Variants in SEC14L5 observed in about 807,000 individuals in gnomAD.
SEC14L5 encodes SEC14-like protein 5.
A neutral mutation model predicts 84.6 loss-of-function variants in SEC14L5; 96 were observed. The ratio of observed to expected loss-of-function variants is 1.13; its 90% CI spans 0.96 to 1.34. SEC14L5 has a LOEUF of 1.34. Ranked by LOEUF, SEC14L5 falls within the 40% of genes most tolerant of loss-of-function variation. The probability of loss-of-function intolerance (pLI) is 0.00; values close to 1 mark genes in which losing one functional copy is unlikely to be tolerated. For synonymous variants in SEC14L5, 546 were observed against 383.4 expected (o/e 1.42, Z -4.95); for missense variants, 1,224 against 942.5 (o/e 1.30, Z -3.91).
intron 7 of SEC14L5, 107 bp downstream of exon 7, chr16:4,996,567 C>A (rs980777444): frequency 6.3e-6 from 4 of 633,802 alleles, no homozygotes; most frequent in African/African-American, 5.5e-5. Flanking sequence ...CACATTATCT[C>A]TTGCTTATTT....
chr16:4,968,545 C>T (rs62036176), intron 2 of SEC14L5, among the ~76,000 whole-genome samples: 2 of 152,072 alleles, frequency 1.3e-5, no homozygotes, highest in African/African-American at 4.8e-5. Flanking sequence ...CATGCTAGTC[C>T]GAAATTCCTG....
At chr16:5,008,670 C>T in intron 14 of SEC14L5, 22 bp downstream of exon 14, 1 of 1,589,486 alleles carries the variant, frequency 6.3e-7, no homozygotes. Flanking sequence ...CTGGACCACT[C>T]ATTCGCTCAC....
chr16:4,982,356 G>A (rs963998789), intron 2 of SEC14L5, among the ~76,000 whole-genome samples: 2 of 152,154 alleles, frequency 1.3e-5, no homozygotes, highest in Admixed American at 1.3e-4. Context: ...AGCAGACCCC[G>A]CTGGAATAAG....
At position 4,966,267 on chromosome 16, in the gene SEC14L5, CTTTTTTTTTTT is replaced by C. The variant is rs1019686741; in HGVS notation, c.63+6895_63+6905del. Among the ~76,000 whole-genome samples the C allele has an allele frequency of 1.0e-4, 8 of 78,770 alleles. No individual in the cohort carries two copies. The South Asian group carries it at 2.0e-3, about 20-fold the overall frequency. 51.7% of individuals were successfully genotyped at this position (78,770 alleles called of 152,430 possible). A position where few individuals can be genotyped will look rare whatever the true frequency, so the allele number is the denominator to read the frequency against. Reference sequence around the variant, plus strand: ...AGGCGTGACCCACCGCGCCCGGCCTCTTTTTTTTTTTTTTTTTTTTTTTTGAGATGGAGTCT... The same window carrying C: ...AGGCGTGACCCACCGCGCCCGGCCTCTTTTTTTTTTTTTGAGATGGAGTCT... On this transcript the variant is annotated intron_variant, in intron 2 of 15. Transcript: ENST00000251170.
chr16:5,000,214 C>T (rs200684095), intron 8 of SEC14L5, among the ~76,000 whole-genome samples: 2 of 152,030 alleles, frequency 1.3e-5, no homozygotes, highest in East Asian at 3.9e-4. Flanking sequence ...TTGCTTGAAC[C>T]TGGGAGGCCG....
At chr16:4,962,701 A>AAC (rs1955140773) in intron 2 of SEC14L5, among the ~76,000 whole-genome samples, 1 of 151,566 alleles carries the variant, frequency 6.6e-6, no homozygotes, top group African/African-American at 2.4e-5. Context: ...AAAAAAAAAA[A>AAC]AAAAAAACTT....
At chr16:4,982,033 C>T (rs569258586) in intron 2 of SEC14L5, among the ~76,000 whole-genome samples, 14 of 152,286 alleles carry the variant, frequency 9.2e-5, no homozygotes, top group Admixed American at 9.1e-4. Context: ...GGTGCATTCT[C>T]TGGGGGAACG....
chr16:5,013,641 C>T (rs910140414), intron 15 of SEC14L5, among the ~76,000 whole-genome samples: 1 of 148,368 alleles, frequency 6.7e-6, no homozygotes, highest in Admixed American at 6.8e-5. Flanking sequence ...TCACTGCAAC[C>T]TCCGCCTCCT....
At chr16:5,000,539 G>A in intron 8 of SEC14L5, 116 bp from the exon 9 acceptor site, 1 of 736,816 alleles carries the variant, frequency 1.4e-6, no homozygotes, top group Non-Finnish European at 2.3e-6. Flanking sequence ...GCTGGATCGG[G>A]CCTTGGTGGG....
intron 13 of SEC14L5, among the ~76,000 whole-genome samples, chr16:5,008,150 A>G (rs1488918356): frequency 6.6e-6 from 1 of 151,848 alleles, no homozygotes; most frequent in Non-Finnish European, 1.5e-5. Context: ...TCCTGACCTC[A>G]AGTGATCCAC....
Position 5,017,918 on chromosome 16 carries a change from C to G in SEC14L5, c.*2948C>G, listed in dbSNP as rs922235779. On this transcript the variant is annotated 3_prime_UTR_variant, in exon 16 of 16. Transcript: ENST00000251170. ...AAGGCTGGAAGTGCCTTGGCTTGGG[C>G]TTCTTGCATCATTAGTTCATTAATC... 6.6e-6 allele frequency: 1 copy of G among 152,226 alleles called. No homozygotes were observed. The highest frequency in any genetic ancestry group is 2.4e-5 in the African/African-American group (1 of 41,452). The allele number at this position is 152,226 out of a possible 1,614,324, so 9.4% of individuals were successfully genotyped here.
In SEC14L5 at chr16:5,000,763, C is replaced by T. The variant is rs1011490693; in HGVS notation, c.1059+20C>T. On this transcript the variant is annotated intron_variant, in intron 9 of 15. Coordinates refer to ENST00000251170, the MANE Select transcript of SEC14L5 (RefSeq NM_014692.2). ...CGGCATGTGAGTCAGGGGCCTCGTT[C>T]CTGGACGCCGTGCCTGGGGCCGGGC... is the stretch of plus-strand genomic sequence containing the variant. The T allele has an allele frequency of 1.3e-6, 2 of 1,554,544 alleles. No individual in the cohort carries two copies. Among genetic ancestry groups the T allele is most frequent in the South Asian group, 2.4e-5 (2 of 84,338 alleles).
intron 6 of SEC14L5, among the ~76,000 whole-genome samples, chr16:4,993,712 T>A (rs1955576908): frequency 6.6e-6 from 1 of 152,220 alleles, no homozygotes; most frequent in African/African-American, 2.4e-5. Flanking sequence ...GTGGAATTGC[T>A]GGTTCAAAGT....
At position 5,014,981 on chromosome 16, in the gene SEC14L5, T is replaced by C. The variant is rs776752103; in HGVS notation, c.*11T>C. The stretch of plus-strand genomic sequence containing the variant: ...CTGGTCTCCAGATAGCCGGGCCCAG[T>C]GTTTCAGGGCCGCCCGCTCGCCTCC... On this transcript the variant is annotated 3_prime_UTR_variant, in exon 16 of 16. Transcript: ENST00000251170. 5 of 1,593,546 alleles carry C rather than the reference T, an allele frequency of 3.1e-6. No homozygotes were observed. Among genetic ancestry groups the C allele is most frequent in the Admixed American group, 1.7e-5 (1 of 59,868 alleles).
At chr16:4,967,256 A>G (rs1388007976) in intron 2 of SEC14L5, among the ~76,000 whole-genome samples, 1 of 152,092 alleles carries the variant, frequency 6.6e-6, no homozygotes, top group African/African-American at 2.4e-5. Context: ...CAGTTCCTTG[A>G]CTTGGGACAG....
intron 2 of SEC14L5, among the ~76,000 whole-genome samples, chr16:4,961,100 A>G (rs921225230): frequency 2.0e-5 from 3 of 151,988 alleles, no homozygotes; most frequent in African/African-American, 7.2e-5. Context: ...TGAAACCCCA[A>G]CTCAACTAAA....
Position 5,000,898 on chromosome 16 carries a change from G to A in SEC14L5, c.1103G>A (p.Ser368Asn), listed in dbSNP as rs752660086. The change falls in exon 10 of 16, where the codon AGC becomes AAC. Residue 368 changes from serine (S) to asparagine (N), a missense_variant. Physicochemically the swap from Ser to Asn is conservative, Grantham distance 46 (BLOSUM62 1). Transcript: ENST00000251170. Reference protein sequence around the residue: ...NEEGQKRCEGSTRQLGRPISS... With the variant: ...NEEGQKRCEGNTRQLGRPISS... ...GAAGGACAGAAGCGGTGTGAGGGGA[G>A]CACAAGGCAGCTGGGCCGTCCCATC... 3.7e-6 allele frequency: 6 copies of A among 1,608,070 alleles called. No homozygotes were observed. In the East Asian group the frequency reaches 1.1e-4, roughly 30 times the overall value.
Position 4,997,028 on chromosome 16 carries a change from G to A in SEC14L5, c.954G>A (p.Trp318Ter), listed in dbSNP as rs754150451. ...TGGAGGAGTTCTATGCAGGGGGCTGGCATTACCAGGACATAGGTGCGTGCC... is the reference window on the plus strand; with the variant it reads ...TGGAGGAGTTCTATGCAGGGGGCTGACATTACCAGGACATAGGTGCGTGCC... ...ALLEEFYAGG[W>*]HYQDIDGRPL... The change falls in exon 8 of 16, where the codon TGG becomes TGA. Residue 318 changes from tryptophan (W) to a stop codon, truncating the protein, a stop_gained. Transcript: ENST00000251170. LOFTEE classifies it high-confidence loss of function. 1 of 1,610,814 alleles carries A rather than the reference G, an allele frequency of 6.2e-7. No individual in the cohort carries two copies. Among genetic ancestry groups the A allele is most frequent in the East Asian group, 2.2e-5 (1 of 44,818 alleles).
chr16:4,989,937 G>A (rs1201353407), intron 4 of SEC14L5, among the ~76,000 whole-genome samples: 1 of 152,038 alleles, frequency 6.6e-6, no homozygotes, highest in East Asian at 1.9e-4. Flanking sequence ...CGTTTGAGGA[G>A]GACTAGGTCT....
Sources: gnomAD v4.1 joint callset for allele counts (sites outside exome capture counted in the v4.1 genomes callset) on GRCh38, gnomAD v4.1.1 for gene constraint, MANE v1.5 for transcripts, NCBI Gene and HGNC (gene_info 2026-07-23, HGNC 2026-07-21) for gene names.